Variants in RALY observed in about 807,000 individuals in gnomAD.
RALY encodes RNA-binding protein Raly.
Under a neutral mutation model 30.7 loss-of-function variants are expected in RALY, and 15 were observed. That is an observed-to-expected ratio of 0.49 (90% CI 0.33 to 0.75). RALY has a LOEUF of 0.75. Ranked by LOEUF, RALY falls within the 30% of genes least tolerant of loss-of-function variation. The probability of loss-of-function intolerance (pLI) is 0.02; values close to 1 mark genes in which losing one functional copy is unlikely to be tolerated. For synonymous variants in RALY, 177 were observed against 170.8 expected (o/e 1.04, Z -0.28); for missense variants, 339 against 414.3 (o/e 0.82, Z 1.58).
chr20:34,044,431 C>T (rs1472686211), intron 2 of RALY, among the ~76,000 whole-genome samples: 1 of 151,834 alleles, frequency 6.6e-6, no homozygotes, highest in Non-Finnish European at 1.5e-5. Flanking sequence ...AGTGATTCTT[C>T]TGCCTCAGCC....
chr20:34,062,264 T>A (rs1412957151), intron 2 of RALY, among the ~76,000 whole-genome samples: 1 of 152,218 alleles, frequency 6.6e-6, no homozygotes, highest in African/African-American at 2.4e-5. Flanking sequence ...TACTCTCTAC[T>A]TTCTCTGAAC....
At chr20:34,008,811 A>G (rs1280023222) in intron 1 of RALY, among the ~76,000 whole-genome samples, 1 of 152,172 alleles carries the variant, frequency 6.6e-6, no homozygotes, top group Non-Finnish European at 1.5e-5. Context: ...GAGACATGCC[A>G]CTACACCCAA....
intron 1 of RALY, among the ~76,000 whole-genome samples, chr20:34,002,787 C>G (rs1417727829): frequency 6.6e-6 from 1 of 152,180 alleles, no homozygotes; most frequent in East Asian, 1.9e-4. Flanking sequence ...ACACAGTTCT[C>G]TGGCTGGCTT....
At chr20:34,067,098 A>G (rs941753813) in intron 2 of RALY, among the ~76,000 whole-genome samples, 7 of 151,962 alleles carry the variant, frequency 4.6e-5, no homozygotes, top group Admixed American at 6.6e-5. Context: ...CTCTGAACCT[A>G]TCTCAGTTTC....
At chr20:33,997,497 G>A (rs186793372) in intron 1 of RALY, among the ~76,000 whole-genome samples, 35 of 152,228 alleles carry the variant, frequency 2.3e-4, no homozygotes, top group Middle Eastern at 3.4e-3. Flanking sequence ...CAGGGTTTGG[G>A]GATATTGGGC....
At chr20:34,000,876 G>T (rs2300202) in intron 1 of RALY, among the ~76,000 whole-genome samples, 13,202 of 152,236 alleles carry the variant, frequency 0.087, 646 homozygotes, top group African/African-American at 0.13. Flanking sequence ...CTAATATTCT[G>T]TGGGATCTCT....
At chr20:34,015,338 T>A (rs1030140934) in intron 1 of RALY, among the ~76,000 whole-genome samples, 1 of 152,122 alleles carries the variant, frequency 6.6e-6, no homozygotes, top group Non-Finnish European at 1.5e-5. Flanking sequence ...TTTCCCCCTT[T>A]TTTTTTAAAT....
At chr20:34,051,028 G>A (rs2033061043) in intron 2 of RALY, among the ~76,000 whole-genome samples, 1 of 152,196 alleles carries the variant, frequency 6.6e-6, no homozygotes, top group African/African-American at 2.4e-5. Flanking sequence ...CACTATTTGG[G>A]AAGGGATGAC....
At chr20:34,036,452 T>A (rs1438240860) in intron 2 of RALY, among the ~76,000 whole-genome samples, 1 of 152,240 alleles carries the variant, frequency 6.6e-6, no homozygotes, top group East Asian at 1.9e-4. Context: ...TAGTGTATAA[T>A]CCTTTTTATA....
intron 1 of RALY, among the ~76,000 whole-genome samples, chr20:34,016,787 T>C (rs1241728793): frequency 6.6e-6 from 1 of 152,264 alleles, no homozygotes; most frequent in African/African-American, 2.4e-5. Flanking sequence ...GTCCGTTCTC[T>C]GGGTCTGCCT....
chr20:34,009,809 T>G (rs1298800588), intron 1 of RALY, among the ~76,000 whole-genome samples: 1 of 152,226 alleles, frequency 6.6e-6, no homozygotes, highest in Admixed American at 6.5e-5. Context: ...TCTTTGATAC[T>G]CAAGCCCAGT....
chr20:34,018,873 C>T (rs561728869), intron 1 of RALY, among the ~76,000 whole-genome samples: 7 of 152,280 alleles, frequency 4.6e-5, no homozygotes, highest in African/African-American at 1.4e-4. Flanking sequence ...GGTTGAACTG[C>T]AGCCTTTCCC....
At chr20:34,058,187 T>A (rs2033310353) in intron 2 of RALY, among the ~76,000 whole-genome samples, 1 of 151,920 alleles carries the variant, frequency 6.6e-6, no homozygotes, top group African/African-American at 2.4e-5. Flanking sequence ...AATTGATGAG[T>A]TTAGAAGTTC....
chr20:34,006,651 A>G (rs1216317614), intron 1 of RALY, among the ~76,000 whole-genome samples: 2 of 151,800 alleles, frequency 1.3e-5, no homozygotes, highest in African/African-American at 4.9e-5. Flanking sequence ...TACTGTACCC[A>G]TTGTATATTT....
intron 2 of RALY, among the ~76,000 whole-genome samples, chr20:34,067,216 G>A (rs1442295146): frequency 2.6e-5 from 4 of 152,028 alleles, no homozygotes; most frequent in Admixed American, 6.5e-5. Flanking sequence ...TTTTTTTGAC[G>A]GAAAGTCTCG....
intron 1 of RALY, among the ~76,000 whole-genome samples, chr20:34,005,641 A>AG (rs975372343): frequency 3.9e-5 from 6 of 152,206 alleles, no homozygotes; most frequent in Non-Finnish European, 8.8e-5. Flanking sequence ...TATTTACTGA[A>AG]GGTTACTATG....
intron 1 of RALY, among the ~76,000 whole-genome samples, chr20:34,019,877 C>T (rs6059632): frequency 1.1e-4 from 17 of 152,058 alleles, no homozygotes; most frequent in East Asian, 9.7e-4. Flanking sequence ...CCGGCTAAAA[C>T]GGTGAAACCC....
intron 2 of RALY, among the ~76,000 whole-genome samples, chr20:34,031,953 C>G (rs2032296602): frequency 6.6e-6 from 1 of 152,164 alleles, no homozygotes; most frequent in Non-Finnish European, 1.5e-5. Context: ...TTAACATGAC[C>G]TCACAGCCCT....
At chr20:34,016,050 C>G (rs1037903185) in intron 1 of RALY, among the ~76,000 whole-genome samples, 1 of 152,164 alleles carries the variant, frequency 6.6e-6, no homozygotes, top group African/African-American at 2.4e-5. Flanking sequence ...AACTCAGACA[C>G]CACACTGTTC....
Sources: allele counts gnomAD v4.1 joint callset (sites outside exome capture counted in the v4.1 genomes callset), GRCh38; gene constraint gnomAD v4.1.1; transcripts MANE v1.5; gene names NCBI Gene and HGNC (gene_info 2026-07-23, HGNC 2026-07-21).